GAGE10: variants seen among roughly 807,000 people sequenced by gnomAD.
GAGE10 encodes the protein G antigen 10.
A neutral mutation model predicts 11.5 loss-of-function variants in GAGE10; 9 were observed. The ratio of observed to expected loss-of-function variants is 0.78; its 90% CI spans 0.47 to 1.37. GAGE10 has a LOEUF of 1.37. Ranked by LOEUF, GAGE10 falls within the 40% of genes most tolerant of loss-of-function variation. The pLI is 0.00. For synonymous variants in GAGE10, 23 were observed against 29.7 expected (o/e 0.77, Z 0.73); for missense variants, 83 against 92.9 (o/e 0.89, Z 0.44).
chrX:49,314,063 T>A (rs1201985429), intron 3 of GAGE10, among the ~76,000 whole-genome samples: 3 of 112,482 alleles, frequency 2.7e-5, no homozygotes, highest in Non-Finnish European at 3.7e-5. Flanking sequence ...CTGCAAATGC[T>A]GCAAATGTCT....
chrX:49,317,101 T>C (rs1557125327), intron 3 of GAGE10, 62 bp from the exon 4 acceptor site: 1 of 1,096,199 alleles, frequency 9.1e-7, no homozygotes, highest in African/African-American at 1.8e-5. Flanking sequence ...GCATGAATAT[T>C]ATTTTCTTAT....
At chrX:49,318,925 A>T (rs1557125697) in intron 4 of GAGE10, among the ~76,000 whole-genome samples, 1 of 114,591 alleles carries the variant, frequency 8.7e-6, no homozygotes, top group African/African-American at 3.2e-5. Context: ...ATAGTATTCC[A>T]TGGTGTATAT....
At chrX:49,304,711 TAC>T (rs1326384756) in intron 1 of GAGE10, 139 bp from the exon 2 acceptor site, 2 of 845,783 alleles carry the variant, frequency 2.4e-6, no homozygotes, top group Non-Finnish European at 3.4e-6. Flanking sequence ...TCAGAAAAGG[TAC>T]ACACATATGC....
chrX:49,307,473 T>C (rs4824754), intron 3 of GAGE10, among the ~76,000 whole-genome samples: 46,379 of 107,377 alleles, frequency 0.43, 8,924 homozygotes, highest in Non-Finnish European at 0.58. Flanking sequence ...ATTTCTTTTT[T>C]CCTTTTTTTT....
At chrX:49,309,171 C>T (rs1309680736) in intron 3 of GAGE10, among the ~76,000 whole-genome samples, 3 of 111,110 alleles carry the variant, frequency 2.7e-5, no homozygotes, top group African/African-American at 9.9e-5. Context: ...CTAGTGGACC[C>T]GAGAGTGAAA....
chrX:49,304,140 G>A (rs1408178898), intron 1 of GAGE10, among the ~76,000 whole-genome samples: 18 of 111,736 alleles, frequency 1.6e-4, no homozygotes, highest in Admixed American at 1.2e-3. Context: ...ATGAGGTCCC[G>A]GACAGGTGCG....
At chrX:49,304,195 G>A (rs1557123772) in intron 1 of GAGE10, among the ~76,000 whole-genome samples, 1 of 112,058 alleles carries the variant, frequency 8.9e-6, no homozygotes, top group Non-Finnish European at 1.9e-5. Context: ...AAGACTGCGG[G>A]CTGGTGAGTG....
intron 3 of GAGE10, among the ~76,000 whole-genome samples, chrX:49,310,754 G>GCC (rs782521648): frequency 0.038 from 4,133 of 107,427 alleles, 233 homozygotes; most frequent in African/African-American, 0.14. Context: ...CACCCGATTA[G>GCC]CCCCCCCCCA....
intron 3 of GAGE10, among the ~76,000 whole-genome samples, chrX:49,316,312 G>A (rs782570912): frequency 8.9e-6 from 1 of 111,849 alleles, no homozygotes; most frequent in Admixed American, 9.5e-5. Flanking sequence ...AGTAAGAAAT[G>A]ATGTAATGCA....
chrX:49,305,250 C>G (rs2869209), intron 2 of GAGE10, among the ~76,000 whole-genome samples, 154 bp from the exon 3 acceptor site: 349 of 111,480 alleles, frequency 3.1e-3, no homozygotes, highest in Non-Finnish European at 4.2e-3. Flanking sequence ...TCCTGTGGGT[C>G]GAGTAACCTT....
At chrX:49,304,533 G>A (rs1320215025) in intron 1 of GAGE10, among the ~76,000 whole-genome samples, 1 of 112,555 alleles carries the variant, frequency 8.9e-6, no homozygotes, top group Non-Finnish European at 1.9e-5. Context: ...TTGAGCAGGA[G>A]GTCGATGCTG....
chrX:49,315,480 TC>T (rs1301184674), intron 3 of GAGE10, among the ~76,000 whole-genome samples: 6 of 111,899 alleles, frequency 5.4e-5, no homozygotes, highest in African/African-American at 2.0e-4. Context: ...CTCAACTGCG[TC>T]ATAAGGTTGC....
chrX:49,317,663 T>C (rs1197972250), intron 4 of GAGE10, among the ~76,000 whole-genome samples: 61 of 111,810 alleles, frequency 5.5e-4, no homozygotes, highest in African/African-American at 1.8e-3. Flanking sequence ...ATTATATTTT[T>C]AATAACACAG....
chrX:49,306,608 C>G (rs1488802477), intron 3 of GAGE10, among the ~76,000 whole-genome samples: 1 of 111,695 alleles, frequency 9.0e-6, no homozygotes, highest in Non-Finnish European at 1.9e-5. Context: ...CTTGAGATTT[C>G]TTAGCTGATG....
intron 3 of GAGE10, among the ~76,000 whole-genome samples, chrX:49,316,516 A>G (rs2066392087): frequency 9.0e-6 from 1 of 111,168 alleles, no homozygotes; most frequent in Non-Finnish European, 1.9e-5. Flanking sequence ...GGTCTCTCTG[A>G]TTCCTTAATT....
At chrX:49,317,052 T>A (rs1402923754) in intron 3 of GAGE10, 111 bp from the exon 4 acceptor site, 4 of 922,088 alleles carry the variant, frequency 4.3e-6, no homozygotes, top group Non-Finnish European at 5.9e-6. Flanking sequence ...ACATATTTAT[T>A]ATTATACTAG....
chrX:49,317,779 C>G (rs4633168), intron 4 of GAGE10, among the ~76,000 whole-genome samples: 33 of 109,049 alleles, frequency 3.0e-4, no homozygotes, highest in South Asian at 2.9e-3. Flanking sequence ...GGGAAACAAA[C>G]TGAGTCAAAG....
At chrX:49,307,846 A>C (rs1196191209) in intron 3 of GAGE10, among the ~76,000 whole-genome samples, 11 of 111,711 alleles carry the variant, frequency 9.8e-5, no homozygotes, top group African/African-American at 3.3e-4. Flanking sequence ...AAGAAAACCC[A>C]ATTTCCCCTG....
rs1275122960 is a variant in GAGE10 at position 49,311,605 on chromosome X, C to T, written c.203-5558C>T. Among the ~76,000 whole-genome samples, 6 of 111,840 alleles carry T rather than the reference C, an allele frequency of 5.4e-5. No homozygotes were observed. The East Asian group carries it at 8.4e-4, about 16-fold the overall frequency. ...CCAAAGGAAAAGAAAGAGAGCCCCT[C>T]GTATAGGAAAAGGAACAGCAAAAGG... On this transcript the variant is annotated intron_variant, in intron 3 of 4. Coordinates refer to ENST00000407599, the MANE Select transcript of GAGE10 (RefSeq NM_001098413.4).
Sources: gnomAD v4.1 joint callset for allele counts (sites outside exome capture counted in the v4.1 genomes callset) on GRCh38, gnomAD v4.1.1 for gene constraint, MANE v1.5 for transcripts, NCBI Gene and HGNC (gene_info 2026-07-23, HGNC 2026-07-21) for gene names.